Variants in CA10 observed in about 807,000 individuals in gnomAD.
The protein encoded by CA10 is carbonic anhydrase-related protein 10.
CA10 carries 14 observed loss-of-function variants against 44.2 expected under a neutral mutation model. The ratio of observed to expected loss-of-function variants is 0.32; its 90% confidence interval spans 0.21 to 0.50. The LOEUF (loss-of-function observed/expected upper bound fraction) is 0.50. Ranked by LOEUF, CA10 falls within the 20% of genes least tolerant of loss-of-function variation. The pLI is 0.99. For missense variants in CA10, 350 were observed against 409.7 expected (o/e 0.85, Z 1.26); for synonymous variants, 159 against 141.6 (o/e 1.12, Z -0.87).
intron 1 of CA10, among the ~76,000 whole-genome samples, chr17:52,085,897 T>C (rs1988104372): frequency 1.3e-5 from 2 of 152,152 alleles, no homozygotes; most frequent in South Asian, 2.1e-4. Context: ...AGTAAACCAA[T>C]ATTTCAAGTG....
intron 1 of CA10, among the ~76,000 whole-genome samples, chr17:52,154,295 G>C (rs1449465419): frequency 1.3e-5 from 2 of 152,110 alleles, no homozygotes; most frequent in East Asian, 1.9e-4. Flanking sequence ...TGTGGGCTTT[G>C]GTTGCTATAT....
chr17:52,090,128 G>A (rs1426948255), intron 1 of CA10, among the ~76,000 whole-genome samples: 1 of 152,102 alleles, frequency 6.6e-6, no homozygotes, highest in African/African-American at 2.4e-5. Flanking sequence ...CTAGAAAAAA[G>A]CAACCTCAGA....
chr17:52,131,465 C>G (rs1020415801), intron 1 of CA10, among the ~76,000 whole-genome samples: 1 of 152,196 alleles, frequency 6.6e-6, no homozygotes, highest in African/African-American at 2.4e-5. Flanking sequence ...GAAACAATTA[C>G]TGAATTACAA....
At chr17:51,790,612 GA>G (rs1292782937) in intron 3 of CA10, among the ~76,000 whole-genome samples, 1 of 152,174 alleles carries the variant, frequency 6.6e-6, no homozygotes, top group Non-Finnish European at 1.5e-5. Flanking sequence ...TGAGGGCAGA[GA>G]TTCCGTCTAC....
intron 1 of CA10, among the ~76,000 whole-genome samples, chr17:52,121,099 A>G (rs911962748): frequency 4.6e-5 from 7 of 152,194 alleles, no homozygotes; most frequent in African/African-American, 1.7e-4. Flanking sequence ...ACTGGTTTCC[A>G]TGTCTTTGCC....
chr17:51,676,072 A>G (rs1914619232), intron 4 of CA10, among the ~76,000 whole-genome samples: 1 of 152,152 alleles, frequency 6.6e-6, no homozygotes, highest in South Asian at 2.1e-4. Context: ...GTGCTACTTA[A>G]GTGGAGTCTG....
intron 2 of CA10, among the ~76,000 whole-genome samples, chr17:51,941,727 A>T (rs1160233125): frequency 6.6e-6 from 1 of 152,142 alleles, no homozygotes; most frequent in African/African-American, 2.4e-5. Flanking sequence ...AGAAAAAAAT[A>T]ATATGACCAC....
Position 51,838,536 on chromosome 17 carries a change from C to T in CA10, c.280-90718G>A, listed in dbSNP as rs527975280. 7.2e-5 allele frequency among the ~76,000 whole-genome samples: 11 copies of T among 152,356 alleles called. No homozygotes were observed. In the South Asian group the frequency reaches 2.3e-3, roughly 32 times the overall value. ...CAGGGGATGGGACTGCTTTAATTGC[C>T]ATGAGGCGCTGAATGCAGTTAACAC... On this transcript the variant is annotated intron_variant, in intron 3 of 8. Coordinates refer to ENST00000451037, the MANE Select transcript of CA10 (RefSeq NM_020178.5).
chr17:51,677,885 A>ACCC (rs201803270), intron 4 of CA10, among the ~76,000 whole-genome samples: 15 of 138,008 alleles, frequency 1.1e-4, no homozygotes, highest in African/African-American at 3.7e-4. Flanking sequence ...CTAGGTATAC[A>ACCC]CCCCCCCCCC....
intron 4 of CA10, among the ~76,000 whole-genome samples, chr17:51,676,931 A>G (rs930280043): frequency 1.1e-4 from 16 of 152,260 alleles, no homozygotes; most frequent in African/African-American, 3.9e-4. Flanking sequence ...CACAGAGTCC[A>G]TGGCCACAGA....
chr17:52,134,493 C>T (rs1049211261), intron 1 of CA10, among the ~76,000 whole-genome samples: 2 of 152,088 alleles, frequency 1.3e-5, no homozygotes, highest in African/African-American at 4.8e-5. Flanking sequence ...TAAATAATGC[C>T]TACCCACATG....
At chr17:51,677,885 A>ACCCCCCCC (rs201803270) in intron 4 of CA10, among the ~76,000 whole-genome samples, 4 of 137,920 alleles carry the variant, frequency 2.9e-5, no homozygotes, top group African/African-American at 1.1e-4. Flanking sequence ...CTAGGTATAC[A>ACCCCCCCC]CCCCCCCCCC....
intron 1 of CA10, among the ~76,000 whole-genome samples, chr17:52,097,284 G>A (rs773586134): frequency 2.8e-4 from 42 of 152,102 alleles, no homozygotes; most frequent in Non-Finnish European, 3.1e-4. Context: ...GGTTTGTAAT[G>A]GTATGCTACT....
At chr17:51,886,741 G>T (rs1012303863) in intron 3 of CA10, among the ~76,000 whole-genome samples, 1 of 152,108 alleles carries the variant, frequency 6.6e-6, no homozygotes, top group Admixed American at 6.5e-5. Context: ...TCACAGAATG[G>T]GCCAGAATTA....
chr17:51,663,042 T>G (rs1914063793), intron 4 of CA10, among the ~76,000 whole-genome samples: 1 of 152,164 alleles, frequency 6.6e-6, no homozygotes, highest in Non-Finnish European at 1.5e-5. Flanking sequence ...CTCTGATTAT[T>G]TCTTTATGCA....
chr17:51,913,876 G>A (rs907771948), intron 3 of CA10, among the ~76,000 whole-genome samples: 3 of 152,124 alleles, frequency 2.0e-5, no homozygotes, highest in African/African-American at 7.2e-5. Context: ...TCTTAACACT[G>A]AACTAGGAGA....
chr17:51,995,192 T>C (rs908656466), intron 2 of CA10, among the ~76,000 whole-genome samples: 2 of 152,002 alleles, frequency 1.3e-5, no homozygotes, highest in Non-Finnish European at 2.9e-5. Context: ...TGTAATATGA[T>C]TTATTGCTCA....
intron 1 of CA10, among the ~76,000 whole-genome samples, chr17:52,078,851 A>C (rs1232089091): frequency 6.6e-6 from 1 of 152,026 alleles, no homozygotes; most frequent in Non-Finnish European, 1.5e-5. Flanking sequence ...CCCGGAAGGT[A>C]TTTTTCTTCT....
At chr17:52,026,786 CTCCT>C (rs1555559473) in intron 2 of CA10, among the ~76,000 whole-genome samples, 1 of 152,044 alleles carries the variant, frequency 6.6e-6, no homozygotes, top group Non-Finnish European at 1.5e-5. Context: ...CTCTCATGGG[CTCCT>C]TCCCACAACA....
Sources: gnomAD v4.1 joint callset for allele counts (sites outside exome capture counted in the v4.1 genomes callset) on GRCh38, gnomAD v4.1.1 for gene constraint, MANE v1.5 for transcripts, NCBI Gene and HGNC (gene_info 2026-07-23, HGNC 2026-07-21) for gene names.